DYNLL2: variants seen among roughly 807,000 people sequenced by gnomAD.
The protein encoded by DYNLL2 is dynein light chain LC8-type 2.
A neutral mutation model predicts 9.7 loss-of-function variants in DYNLL2; 1 was observed. The observed-to-expected ratio is 0.10, with a 90% confidence interval of 0.04 to 0.49. The LOEUF (loss-of-function observed/expected upper bound fraction) is 0.49, where lower values mean the gene tolerates loss of function less well. Among genes scored for constraint, DYNLL2 ranks in the 20% least tolerant of loss-of-function variants. The pLI, the probability that DYNLL2 is intolerant of heterozygous loss-of-function variation, is 0.95. For missense variants in DYNLL2, 37 were observed against 115.2 expected, an observed-to-expected ratio of 0.32 and a Z score of 3.11; for synonymous variants, 35 against 40.5, an observed-to-expected ratio of 0.86 and a Z score of 0.52.
chr17:58,093,001 CAT>C lies in DYNLL2; in HGVS notation c.*3725_*3726del, dbSNP rs1264114726. On this transcript the variant is annotated 3_prime_UTR_variant, in exon 3 of 3. Coordinates refer to ENST00000579991, the MANE Select transcript of DYNLL2 (RefSeq NM_080677.3). ...CCACGTAGCATCTGCCAACGCTTGA[CAT>C]ATTTGTTTTTTGTTTACTTTCTGGC... 2 of 152,242 alleles carry C rather than the reference CAT, an allele frequency of 1.3e-5. No homozygotes were observed. Among genetic ancestry groups the C allele is most frequent in the African/African-American group, 2.4e-5 (1 of 41,460 alleles). 9.4% of individuals were successfully genotyped at this position (152,242 alleles called of 1,614,324 possible).
chr17:58,087,001 A>C, intron 1 of DYNLL2, 81 bp from the exon 2 acceptor site: 3 of 1,552,822 alleles, frequency 1.9e-6, no homozygotes, highest in Non-Finnish European at 2.6e-6. Flanking sequence ...CCCCTCTTGC[A>C]CTGAGACCCC....
chr17:58,085,407 A>G (rs1182735057), intron 1 of DYNLL2, among the ~76,000 whole-genome samples: 1 of 152,164 alleles, frequency 6.6e-6, no homozygotes, highest in East Asian at 1.9e-4. Flanking sequence ...AATGATACCA[A>G]GGATATGTCC....
chr17:58,089,403 T>C lies in DYNLL2; in HGVS notation c.*124T>C. On this transcript the variant is annotated 3_prime_UTR_variant, in exon 3 of 3. Transcript: ENST00000579991. ...CCAATGGCTGTGCTACTGCATGGAC[T>C]GTATACTCGATTTCATGTGTATGTC... 1.6e-6 allele frequency: 2 copies of C among 1,269,820 alleles called. No individual in the cohort carries two copies. The highest frequency in any genetic ancestry group is 2.2e-6 in the Non-Finnish European group (2 of 925,702). 78.7% of individuals were successfully genotyped at this position (1,269,820 alleles called of 1,614,324 possible). A position where few individuals can be genotyped will look rare whatever the true frequency, so the allele number is the denominator to read the frequency against.
intron 1 of DYNLL2, among the ~76,000 whole-genome samples, chr17:58,084,589 AG>A (rs1314501810): frequency 6.6e-6 from 1 of 152,114 alleles, no homozygotes; most frequent in African/African-American, 2.4e-5. Context: ...CACCTTGGAC[AG>A]GGGTGGTAGG....
chr17:58,091,806 G>A lies in DYNLL2; in HGVS notation c.*2527G>A, dbSNP rs1272164089. ...TGCCCACCCCTGACTCCACCATCGT[G>A]TGACTGCAATTCTCTTGGAGGTGTT... is the stretch of plus-strand genomic sequence containing the variant. On this transcript the variant is annotated 3_prime_UTR_variant, in exon 3 of 3. Coordinates refer to ENST00000579991, the MANE Select transcript of DYNLL2 (RefSeq NM_080677.3). 1 of 152,192 alleles carries A rather than the reference G, an allele frequency of 6.6e-6. No individual in the cohort carries two copies. Among genetic ancestry groups the A allele is most frequent in the East Asian group, 1.9e-4 (1 of 5,196 alleles). 9.4% of individuals were successfully genotyped at this position (152,192 alleles called of 1,614,324 possible).
Position 58,095,230 on chromosome 17 carries a change from T to C in DYNLL2, c.*5951T>C, listed in dbSNP as rs972898514. 6.6e-6 allele frequency: 1 copy of C among 152,224 alleles called. No homozygotes were observed. Among genetic ancestry groups the C allele is most frequent in the East Asian group, 1.9e-4 (1 of 5,200 alleles). 9.4% of individuals were successfully genotyped at this position (152,224 alleles called of 1,614,324 possible). On this transcript the variant is annotated 3_prime_UTR_variant, in exon 3 of 3. Coordinates refer to ENST00000579991, the MANE Select transcript of DYNLL2 (RefSeq NM_080677.3). ...CATTAGGTATACAGATTACAATTTC[T>C]GAACTCTGCCATTCCAGTGTGAGAG... is the stretch of plus-strand genomic sequence containing the variant.
chr17:58,088,763 T>C (rs1239862168), intron 2 of DYNLL2, among the ~76,000 whole-genome samples: 1 of 152,184 alleles, frequency 6.6e-6, no homozygotes, highest in Non-Finnish European at 1.5e-5. Context: ...CCCATTTGTG[T>C]CATGTGTTTG....
At position 58,089,548 on chromosome 17, in the gene DYNLL2, C is replaced by T. The variant is rs1229267177; in HGVS notation, c.*269C>T. On this transcript the variant is annotated 3_prime_UTR_variant, in exon 3 of 3. Coordinates refer to ENST00000579991, the MANE Select transcript of DYNLL2 (RefSeq NM_080677.3). ...TTGTATTGCACTAGGAAATCTCTCC[C>T]ACCTCTCCCTTTTCTCTTTCTTTCC... 9 of 467,158 alleles carry T rather than the reference C, an allele frequency of 1.9e-5. No homozygotes were observed. The highest frequency in any genetic ancestry group is 2.6e-5 in the Non-Finnish European group (7 of 270,982). The allele number at this position is 467,158 out of a possible 1,614,324, so 28.9% of individuals were successfully genotyped here.
In DYNLL2 at chr17:58,094,774, TCCC is replaced by T. The variant is rs1046797038; in HGVS notation, c.*5497_*5499del. 2 of 152,216 alleles carry T rather than the reference TCCC, an allele frequency of 1.3e-5. No individual in the cohort carries two copies. Among genetic ancestry groups the T allele is most frequent in the African/African-American group, 4.8e-5 (2 of 41,434 alleles). 9.4% of individuals were successfully genotyped at this position (152,216 alleles called of 1,614,324 possible). A position where few individuals can be genotyped will look rare whatever the true frequency, so the allele number is the denominator to read the frequency against. On this transcript the variant is annotated 3_prime_UTR_variant, in exon 3 of 3. Transcript: ENST00000579991. ...TGCAGTCACTTGCCATTCCCTCTTCTCCCCAGCCCTGGGAAACCACTGACCTAC... is the reference window on the plus strand; with the variant it reads ...TGCAGTCACTTGCCATTCCCTCTTCTCAGCCCTGGGAAACCACTGACCTAC...
intron 1 of DYNLL2, among the ~76,000 whole-genome samples, chr17:58,085,827 A>C (rs1339623852): frequency 1.3e-5 from 2 of 152,178 alleles, no homozygotes; most frequent in Non-Finnish European, 2.9e-5. Flanking sequence ...TAGGGGAAGG[A>C]AGGCTTCAGC....
At chr17:58,086,234 A>G (rs908575303) in intron 1 of DYNLL2, among the ~76,000 whole-genome samples, 7 of 152,208 alleles carry the variant, frequency 4.6e-5, no homozygotes, top group African/African-American at 1.7e-4. Context: ...GGGCCTGTAT[A>G]GGGCAGGGGT....
rs779580632 is a variant in DYNLL2, at chr17:58,087,165, C to G, written c.75C>G (p.Ala25=). Residue 25 remains alanine, a synonymous_variant, in exon 2 of 3, where the codon GCC becomes GCG. Transcript: ENST00000579991. ...EDMQQDAVDC[A]TQAMEKYNIE... ...TGCAACAGGATGCCGTTGACTGCGCCACGCAGGCCATGGAGAAGTACAATA... is the reference window on the plus strand; with the variant it reads ...TGCAACAGGATGCCGTTGACTGCGCGACGCAGGCCATGGAGAAGTACAATA... 1.2e-6 allele frequency: 2 copies of G among 1,614,218 alleles called. No individual in the cohort carries two copies. The highest frequency in any genetic ancestry group is 2.2e-5 in the South Asian group (2 of 91,086).
At position 58,090,858 on chromosome 17, in the gene DYNLL2, ATTC is replaced by A. The variant is rs2075777822; in HGVS notation, c.*1582_*1584del. The stretch of plus-strand genomic sequence containing the variant: ...TGTGGGGGGGTGGGGGATCCAGCTT[ATTC>A]TTTTATTTTCAAGTCCATTCTTGGG... On this transcript the variant is annotated 3_prime_UTR_variant, in exon 3 of 3. Transcript: ENST00000579991. 1 of 149,810 alleles carries A rather than the reference ATTC, an allele frequency of 6.7e-6. No homozygotes were observed. The highest frequency in any genetic ancestry group is 3.5e-3 in the Middle Eastern group (1 of 286). 9.3% of individuals were successfully genotyped at this position (149,810 alleles called of 1,614,324 possible). A position where few individuals can be genotyped will look rare whatever the true frequency, so the allele number is the denominator to read the frequency against.
intron 1 of DYNLL2, among the ~76,000 whole-genome samples, chr17:58,086,440 A>C (rs2075760375): frequency 6.6e-6 from 1 of 152,224 alleles, no homozygotes; most frequent in South Asian, 2.1e-4. Context: ...GCTCTCATAT[A>C]ACTTCAGTTA....
intron 1 of DYNLL2, among the ~76,000 whole-genome samples, chr17:58,086,386 C>G (rs1337916601): frequency 6.6e-6 from 1 of 152,240 alleles, no homozygotes; most frequent in Non-Finnish European, 1.5e-5. Context: ...TAGGCTGGAT[C>G]TGGCTGATGG....
In DYNLL2 at chr17:58,094,105, A is replaced by G. The variant is rs922617983; in HGVS notation, c.*4826A>G. 6.6e-6 allele frequency: 1 copy of G among 152,182 alleles called. No individual in the cohort carries two copies. Among genetic ancestry groups the G allele is most frequent in the Admixed American group, 6.5e-5 (1 of 15,290 alleles). 9.4% of individuals were successfully genotyped at this position (152,182 alleles called of 1,614,324 possible). On this transcript the variant is annotated 3_prime_UTR_variant, in exon 3 of 3. Coordinates refer to ENST00000579991, the MANE Select transcript of DYNLL2 (RefSeq NM_080677.3). ...TGGACACTGCTGTTTTGGGCTTTCT[A>G]GAGAGAATGCAAACATGCAAAAACA... is the stretch of plus-strand genomic sequence containing the variant.
intron 2 of DYNLL2, among the ~76,000 whole-genome samples, chr17:58,087,555 A>C (rs1452459673): frequency 6.6e-6 from 1 of 152,228 alleles, no homozygotes. Flanking sequence ...AGAACTATTC[A>C]AAATTAAAAT....
rs920749014 is a variant in DYNLL2 at position 58,091,127 on chromosome 17, A to C, written c.*1848A>C. 1 of 151,828 alleles carries C rather than the reference A, an allele frequency of 6.6e-6. No individual in the cohort carries two copies. Among genetic ancestry groups the C allele is most frequent in the Non-Finnish European group, 1.5e-5 (1 of 68,020 alleles). The allele number at this position is 151,828 out of a possible 1,614,324, so 9.4% of individuals were successfully genotyped here. On this transcript the variant is annotated 3_prime_UTR_variant, in exon 3 of 3. Transcript: ENST00000579991. ...AGTTGAAAGTGTCTGGTTTGTGTTCATCTCTCCCTCATTTCTGGAGCAGGG... is the reference window on the plus strand; with the variant it reads ...AGTTGAAAGTGTCTGGTTTGTGTTCCTCTCTCCCTCATTTCTGGAGCAGGG...
In DYNLL2 at chr17:58,095,046, A is replaced by G. The variant is rs2075793344; in HGVS notation, c.*5767A>G. The G allele has an allele frequency of 7.5e-6, 1 of 133,842 alleles. No individual in the cohort carries two copies. Among genetic ancestry groups the G allele is most frequent in the African/African-American group, 3.1e-5 (1 of 32,430 alleles). The allele number at this position is 133,842 out of a possible 1,614,324, so 8.3% of individuals were successfully genotyped here. On this transcript the variant is annotated 3_prime_UTR_variant, in exon 3 of 3. Transcript: ENST00000579991. Reference sequence around the variant, plus strand: ...TTTGACTATTGTGATTAGTGCTGCTATGAACATTGATGTACAGATTTTTGT... The same window carrying G: ...TTTGACTATTGTGATTAGTGCTGCTGTGAACATTGATGTACAGATTTTTGT...
Sources: allele counts gnomAD v4.1 joint callset (sites outside exome capture counted in the v4.1 genomes callset), GRCh38; gene constraint gnomAD v4.1.1; transcripts MANE v1.5; gene names NCBI Gene and HGNC (gene_info 2026-07-23, HGNC 2026-07-21).